TTC29: variants seen among roughly 807,000 people sequenced by gnomAD.
TTC29 encodes tetratricopeptide repeat protein 29.
A neutral mutation model predicts 58.1 loss-of-function variants in TTC29; 49 were observed. The observed-to-expected ratio is 0.84, with a 90% CI of 0.67 to 1.07. The LOEUF (loss-of-function observed/expected upper bound fraction) is 1.07. TTC29 is among the 50% of genes least tolerant of loss of function. The probability of loss-of-function intolerance (pLI) is 0.00; values close to 1 mark genes in which losing one functional copy is unlikely to be tolerated. For missense variants in TTC29, 582 were observed against 555.6 expected (o/e 1.05, Z -0.48); for synonymous variants, 209 against 196.8 (o/e 1.06, Z -0.52).
At chr4:146,817,935 A>C (rs1751528369) in intron 10 of TTC29, among the ~76,000 whole-genome samples, 1 of 152,234 alleles carries the variant, frequency 6.6e-6, no homozygotes, top group Admixed American at 6.5e-5. Flanking sequence ...AATTAATTCA[A>C]GATGGATTAA....
intron 11 of TTC29, among the ~76,000 whole-genome samples, chr4:146,753,834 C>G (rs1746215379): frequency 6.6e-6 from 1 of 150,836 alleles, no homozygotes; most frequent in African/African-American, 2.4e-5. Context: ...TGTTTTCACT[C>G]ATAGGTGGGA....
In TTC29 at chr4:146,850,922, G is replaced by T. The variant is rs537839160; in HGVS notation, c.885+16576C>A. On this transcript the variant is annotated intron_variant, in intron 8 of 12. Transcript: ENST00000325106. ...TAATTAAATTTAGGAAAAATGTATC[G>T]TTAAATCATTTGCATTACAACAGTA... is the stretch of plus-strand genomic sequence containing the variant. Among the ~76,000 whole-genome samples the T allele has an allele frequency of 1.2e-4, 19 of 152,166 alleles. No homozygotes were observed. The South Asian group carries it at 3.9e-3, about 32-fold the overall frequency.
chr4:146,869,813 T>C (rs1287425858), intron 7 of TTC29, among the ~76,000 whole-genome samples: 2 of 152,118 alleles, frequency 1.3e-5, no homozygotes, highest in Non-Finnish European at 2.9e-5. Context: ...ATGAGAACTT[T>C]TCTTGTACAT....
intron 11 of TTC29, among the ~76,000 whole-genome samples, chr4:146,759,481 A>G (rs949415573): frequency 6.6e-6 from 1 of 152,088 alleles, no homozygotes; most frequent in Non-Finnish European, 1.5e-5. Context: ...GGACATAACC[A>G]AAAAAGAAAA....
At chr4:146,783,473 G>C (rs1263853768) in intron 11 of TTC29, among the ~76,000 whole-genome samples, 2 of 151,948 alleles carry the variant, frequency 1.3e-5, no homozygotes, top group Non-Finnish European at 2.9e-5. Flanking sequence ...AAGGGAGCCT[G>C]TAAACACTCA....
At chr4:146,755,437 A>G (rs1305006019) in intron 11 of TTC29, among the ~76,000 whole-genome samples, 1 of 152,204 alleles carries the variant, frequency 6.6e-6, no homozygotes, top group Non-Finnish European at 1.5e-5. Flanking sequence ...AAGAAAAACA[A>G]AATTGGAAGC....
chr4:146,752,728 A>C (rs1198204099), intron 11 of TTC29, among the ~76,000 whole-genome samples: 6 of 152,126 alleles, frequency 3.9e-5, no homozygotes, highest in Non-Finnish European at 2.9e-5. Flanking sequence ...AACAGAACAG[A>C]GCTCTCAGAA....
chr4:146,795,970 G>A (rs888926156), intron 11 of TTC29, among the ~76,000 whole-genome samples: 2 of 152,188 alleles, frequency 1.3e-5, no homozygotes, highest in East Asian at 3.8e-4. Flanking sequence ...TGGGGTGACA[G>A]CTGAGTTCTC....
rs1236202345 is a variant in TTC29 at position 146,874,869 on chromosome 4, T to TC, written c.645dup (p.Ile216AspfsTer5). 1 of 1,613,376 alleles carries TC rather than the reference T, an allele frequency of 6.2e-7. No homozygotes were observed. Among genetic ancestry groups the TC allele is most frequent in the African/African-American group, 1.3e-5 (1 of 74,894 alleles). On this transcript the variant is annotated frameshift_variant, in exon 7 of 13. Transcript: ENST00000325106. LOFTEE classifies it high-confidence loss of function. ...GAGCGGCCTGTCTCATCCTTCCATA[T>TC]CCGCCCCTGTGTCAATTGATGGAAT...
intron 8 of TTC29, among the ~76,000 whole-genome samples, chr4:146,858,565 A>G (rs1215188766): frequency 6.6e-6 from 1 of 152,230 alleles, no homozygotes; most frequent in African/African-American, 2.4e-5. Context: ...CCGTAGGTCT[A>G]GAGCAGAAGC....
intron 11 of TTC29, among the ~76,000 whole-genome samples, chr4:146,761,255 T>A (rs1251784943): frequency 1.3e-5 from 2 of 151,914 alleles, no homozygotes; most frequent in African/African-American, 2.4e-5. Context: ...CTAACCATCT[T>A]CTACATCATT....
chr4:146,888,167 T>C (rs897398387), intron 6 of TTC29, among the ~76,000 whole-genome samples: 18 of 152,048 alleles, frequency 1.2e-4, no homozygotes, highest in African/African-American at 4.1e-4. Flanking sequence ...AAGACACAAG[T>C]CCCAAAAAAG....
At chr4:146,760,320 C>T (rs548985477) in intron 11 of TTC29, among the ~76,000 whole-genome samples, 3 of 152,190 alleles carry the variant, frequency 2.0e-5, no homozygotes, top group Admixed American at 6.6e-5. Context: ...ATCCCATGCT[C>T]ATGGACGGGT....
chr4:146,828,620 TACAA>T (rs1727963774), intron 9 of TTC29, among the ~76,000 whole-genome samples: 1 of 151,958 alleles, frequency 6.6e-6, no homozygotes, highest in Non-Finnish European at 1.5e-5. Context: ...TCAAGATATA[TACAA>T]ACAAAGAAAC....
rs755319061 is a variant in TTC29, at chr4:146,867,488, T to C, written c.885+10A>G. On this transcript the variant is annotated intron_variant, in intron 8 of 12. Transcript: ENST00000325106. ...AATTAAAAATGGCAGTGATTAAAAG[T>C]TTAGCTTACTGTTAATGCTGTTTCA... The C allele has an allele frequency of 1.4e-6, 2 of 1,406,002 alleles. No individual in the cohort carries two copies. The highest frequency in any genetic ancestry group is 1.9e-6 in the Non-Finnish European group (2 of 1,056,954). 87.1% of individuals were successfully genotyped at this position (1,406,002 alleles called of 1,614,324 possible). A position where few individuals can be genotyped will look rare whatever the true frequency, so the allele number is the denominator to read the frequency against.
chr4:146,739,811 T>C (rs528667269), intron 11 of TTC29, among the ~76,000 whole-genome samples: 3 of 152,264 alleles, frequency 2.0e-5, no homozygotes, highest in African/African-American at 7.2e-5. Flanking sequence ...AATAGGTAGT[T>C]GTGGTGGGGA....
intron 7 of TTC29, among the ~76,000 whole-genome samples, chr4:146,868,981 C>A (rs747808005): frequency 1.6e-4 from 24 of 151,758 alleles, no homozygotes; most frequent in Non-Finnish European, 3.2e-4. Flanking sequence ...CTCCTTCTCT[C>A]GCCATATGAC....
intron 8 of TTC29, among the ~76,000 whole-genome samples, chr4:146,841,104 T>G (rs1242005482): frequency 6.6e-6 from 1 of 152,146 alleles, no homozygotes; most frequent in Admixed American, 6.6e-5. Flanking sequence ...TTTTCATCCC[T>G]TTATTCTACA....
chr4:146,887,699 G>A (rs903167972), intron 6 of TTC29, among the ~76,000 whole-genome samples: 1 of 151,930 alleles, frequency 6.6e-6, no homozygotes, highest in African/African-American at 2.4e-5. Context: ...AACAATTGAG[G>A]ACTATTTTAC....
Sources: allele counts gnomAD v4.1 joint callset (sites outside exome capture counted in the v4.1 genomes callset), GRCh38; gene constraint gnomAD v4.1.1; transcripts MANE v1.5; gene names NCBI Gene and HGNC (gene_info 2026-07-23, HGNC 2026-07-21).